TRAPPC9: variants seen among roughly 807,000 people sequenced by gnomAD.
TRAPPC9 encodes IKK2 binding protein.
In TRAPPC9, 83 loss-of-function variants were observed where a neutral mutation model predicts 124.0. That is an observed-to-expected ratio of 0.67 (90% CI 0.56 to 0.80). The LOEUF (loss-of-function observed/expected upper bound fraction) is 0.80, where lower values mean the gene tolerates loss of function less well. TRAPPC9 is among the 30% of genes least tolerant of loss of function. TRAPPC9 has a pLI of 0.00. For missense variants in TRAPPC9, 1,302 were observed against 1,508.3 expected (o/e 0.86, Z 2.27); for synonymous variants, 638 against 617.5 (o/e 1.03, Z -0.49).
chr8:139,769,019 C>T (rs948217717), intron 21 of TRAPPC9, among the ~76,000 whole-genome samples: 5 of 152,144 alleles, frequency 3.3e-5, no homozygotes, highest in African/African-American at 4.8e-5. Context: ...CCAGTGCTGC[C>T]GACATCTTGA....
At chr8:139,947,578 G>T (rs1303058666) in intron 19 of TRAPPC9, among the ~76,000 whole-genome samples, 1 of 151,720 alleles carries the variant, frequency 6.6e-6, no homozygotes, top group Non-Finnish European at 1.5e-5. Context: ...CAGTATTAAG[G>T]GCCAGGCAAG....
intron 21 of TRAPPC9, among the ~76,000 whole-genome samples, chr8:139,876,780 A>C (rs1006471623): frequency 6.6e-6 from 1 of 152,118 alleles, no homozygotes; most frequent in East Asian, 1.9e-4. Flanking sequence ...CCAGGCTCCA[A>C]CAACAGCAAT....
chr8:139,777,124 A>T lies in TRAPPC9; in HGVS notation c.3056-44922T>A, dbSNP rs571628759. Among the ~76,000 whole-genome samples the T allele has an allele frequency of 7.9e-5, 12 of 152,316 alleles. No individual in the cohort carries two copies. In the South Asian group the frequency reaches 1.0e-3, roughly 13 times the overall value. ...CAGTTCAACTGCCACCTTCTCCAGG[A>T]AGTGTTTTCTCTACCGCATGGTCAA... On this transcript the variant is annotated intron_variant, in intron 21 of 22. Transcript: ENST00000438773.
chr8:140,355,241 A>G (rs1357084179), intron 9 of TRAPPC9, among the ~76,000 whole-genome samples: 2 of 152,188 alleles, frequency 1.3e-5, no homozygotes, highest in African/African-American at 4.8e-5. Flanking sequence ...ATCAAACGCA[A>G]TTTATATCTA....
intron 21 of TRAPPC9, among the ~76,000 whole-genome samples, chr8:139,740,076 T>G (rs1398715603): frequency 6.6e-6 from 1 of 152,214 alleles, no homozygotes; most frequent in Non-Finnish European, 1.5e-5. Context: ...ATGAGGACTC[T>G]AGGCCGAGCT....
At chr8:140,435,683 CA>C (rs1199404582) in intron 3 of TRAPPC9, among the ~76,000 whole-genome samples, 1 of 152,224 alleles carries the variant, frequency 6.6e-6, no homozygotes, top group African/African-American at 2.4e-5. Flanking sequence ...AGCACCAAAG[CA>C]AGACCAGAAT....
intron 19 of TRAPPC9, among the ~76,000 whole-genome samples, chr8:139,959,779 G>A (rs1484865547): frequency 6.6e-6 from 1 of 152,192 alleles, no homozygotes; most frequent in Non-Finnish European, 1.5e-5. Context: ...CTGGCCCTGT[G>A]ATATCATCCT....
chr8:139,824,064 C>G (rs955424999), intron 21 of TRAPPC9, among the ~76,000 whole-genome samples: 1 of 152,194 alleles, frequency 6.6e-6, no homozygotes. Context: ...CAGTTCACCC[C>G]ATTTTCACTC....
intron 13 of TRAPPC9, among the ~76,000 whole-genome samples, chr8:140,287,242 G>T (rs1317734368): frequency 6.6e-6 from 1 of 152,164 alleles, no homozygotes; most frequent in East Asian, 1.9e-4. Context: ...CTGAGTCCAG[G>T]ATGTAGAGGG....
intron 21 of TRAPPC9, among the ~76,000 whole-genome samples, chr8:139,759,578 T>G (rs1563792732): frequency 6.6e-6 from 1 of 152,110 alleles, no homozygotes; most frequent in Non-Finnish European, 1.5e-5. Context: ...GCGGTTCCTC[T>G]GCAGAGGAAC....
At chr8:140,089,948 T>G (rs1587683397) in intron 17 of TRAPPC9, among the ~76,000 whole-genome samples, 1 of 152,058 alleles carries the variant, frequency 6.6e-6, no homozygotes, top group African/African-American at 2.4e-5. Context: ...GGTGTGGCGG[T>G]GCACGCCTGT....
At chr8:140,084,995 G>A (rs142140537) in intron 17 of TRAPPC9, among the ~76,000 whole-genome samples, 16 of 152,288 alleles carry the variant, frequency 1.1e-4, no homozygotes, top group Non-Finnish European at 2.1e-4. Context: ...GCCTATGCTC[G>A]CAACGCTCGA....
In TRAPPC9 at chr8:139,729,350, G is replaced by A. The variant is rs560336350; in HGVS notation, c.*1711C>T. Among the ~76,000 whole-genome samples, 216 of 152,370 alleles carry A rather than the reference G, an allele frequency of 1.4e-3. No homozygotes were observed. The highest frequency in any genetic ancestry group is 4.7e-3 in the African/African-American group (195 of 41,588). On this transcript the variant is annotated 3_prime_UTR_variant, in exon 23 of 23. Coordinates refer to ENST00000438773, the MANE Select transcript of TRAPPC9 (RefSeq NM_001160372.4). ...GGCTCTGTTGAGGTTGACACACATG[G>A]ATGCTGTTTGTTCCATTCAGAAACA...
intron 21 of TRAPPC9, among the ~76,000 whole-genome samples, chr8:139,740,552 C>A (rs1586738619): frequency 6.6e-6 from 1 of 152,224 alleles, no homozygotes; most frequent in South Asian, 2.1e-4. Flanking sequence ...GGTCAGAGAG[C>A]AGGTGCAGCT....
At chr8:139,847,393 G>C (rs1827151980) in intron 21 of TRAPPC9, among the ~76,000 whole-genome samples, 1 of 152,244 alleles carries the variant, frequency 6.6e-6, no homozygotes, top group African/African-American at 2.4e-5. Flanking sequence ...ACACGTGCAA[G>C]CACAGGGGGT....
intron 21 of TRAPPC9, 42 bp from the exon 22 acceptor site, chr8:139,732,244 A>G (rs968227351): frequency 4.0e-6 from 6 of 1,503,714 alleles, no homozygotes; most frequent in Non-Finnish European, 5.4e-6. Context: ...GCTGGCCTGC[A>G]CGGCCCAGCC....
intron 17 of TRAPPC9, among the ~76,000 whole-genome samples, chr8:140,050,404 A>C (rs1841913769): frequency 6.6e-6 from 1 of 152,200 alleles, no homozygotes; most frequent in African/African-American, 2.4e-5. Context: ...TGCGGTTCTC[A>C]CAACAATTTC....
chr8:139,835,407 G>A (rs1399073495), intron 21 of TRAPPC9, among the ~76,000 whole-genome samples: 3 of 152,266 alleles, frequency 2.0e-5, no homozygotes, highest in Admixed American at 2.0e-4. Flanking sequence ...AAGCATCCTC[G>A]CCGCCGTCCA....
At chr8:139,980,965 G>T (rs916621026) in intron 19 of TRAPPC9, among the ~76,000 whole-genome samples, 2 of 152,218 alleles carry the variant, frequency 1.3e-5, no homozygotes, top group Non-Finnish European at 1.5e-5. Flanking sequence ...CGCGTGGTGT[G>T]TGGAAAGCCA....
Sources: gnomAD v4.1 joint callset for allele counts (sites outside exome capture counted in the v4.1 genomes callset) on GRCh38, gnomAD v4.1.1 for gene constraint, MANE v1.5 for transcripts, NCBI Gene and HGNC (gene_info 2026-07-23, HGNC 2026-07-21) for gene names.